The following GALNTL6 variants were observed in gnomAD, a reference collection of about 807,000 sequenced individuals.
The protein encoded by GALNTL6 is polypeptide N-acetylgalactosaminyltransferase-like 6.
Under a neutral mutation model 73.7 loss-of-function variants are expected in GALNTL6, and 46 were observed. That is an observed-to-expected ratio of 0.62 (90% CI 0.49 to 0.80). GALNTL6 has a LOEUF of 0.80. Ranked by LOEUF, GALNTL6 falls within the 30% of genes least tolerant of loss-of-function variation. The pLI is 0.00. For synonymous variants in GALNTL6, 259 were observed against 263.7 expected, an observed-to-expected ratio of 0.98 and a Z score of 0.17; for missense variants, 604 against 755.0, an observed-to-expected ratio of 0.80 and a Z score of 2.34.
At chr4:172,912,428 C>T (rs1052945191) in intron 8 of GALNTL6, among the ~76,000 whole-genome samples, 2 of 152,216 alleles carry the variant, frequency 1.3e-5, no homozygotes, top group Non-Finnish European at 2.9e-5. Flanking sequence ...ATCACCTCAC[C>T]TGGGAAGTGC....
At chr4:171,993,795 T>C (rs943381771) in intron 2 of GALNTL6, among the ~76,000 whole-genome samples, 1 of 151,642 alleles carries the variant, frequency 6.6e-6, no homozygotes, top group African/African-American at 2.4e-5. Flanking sequence ...AGACATTATA[T>C]ATATATACAT....
chr4:172,928,310 GT>G (rs1419236777), intron 8 of GALNTL6, among the ~76,000 whole-genome samples: 1 of 152,202 alleles, frequency 6.6e-6, no homozygotes, highest in African/African-American at 2.4e-5. Flanking sequence ...AGTTCTGGAA[GT>G]GGCCAGTTAT....
chr4:172,856,441 CT>C (rs1744125409), intron 7 of GALNTL6, among the ~76,000 whole-genome samples: 1 of 152,128 alleles, frequency 6.6e-6, no homozygotes. Flanking sequence ...AGCCTTTTCA[CT>C]TTTTTTGCCT....
intron 5 of GALNTL6, among the ~76,000 whole-genome samples, chr4:172,661,372 T>C (rs557640677): frequency 1.3e-5 from 2 of 152,326 alleles, no homozygotes; most frequent in South Asian, 4.1e-4. Context: ...TATCATTGCA[T>C]GAGCCAATTC....
intron 3 of GALNTL6, among the ~76,000 whole-genome samples, chr4:172,236,951 A>G (rs1737264849): frequency 6.6e-6 from 1 of 152,174 alleles, no homozygotes; most frequent in South Asian, 2.1e-4. Context: ...CTCACTTATA[A>G]TAAGAACATG....
At chr4:172,423,786 T>C (rs1731133840) in intron 5 of GALNTL6, among the ~76,000 whole-genome samples, 1 of 152,132 alleles carries the variant, frequency 6.6e-6, no homozygotes, top group Non-Finnish European at 1.5e-5. Context: ...TAGTACATAG[T>C]AACCACTCAA....
At chr4:172,951,913 C>A in intron 9 of GALNTL6, 124 bp from the exon 10 acceptor site, 2 of 687,372 alleles carry the variant, frequency 2.9e-6, no homozygotes, top group Non-Finnish European at 5.0e-6. Context: ...TCATAAACCA[C>A]CAACCAGGGC....
chr4:172,569,165 T>C (rs1736672324), intron 5 of GALNTL6, among the ~76,000 whole-genome samples: 1 of 152,188 alleles, frequency 6.6e-6, no homozygotes, highest in South Asian at 2.1e-4. Context: ...AGAAATTTGT[T>C]TCTCATAGTT....
intron 9 of GALNTL6, among the ~76,000 whole-genome samples, chr4:172,945,109 G>C (rs900715520): frequency 6.6e-6 from 1 of 150,448 alleles, no homozygotes; most frequent in Non-Finnish European, 1.5e-5. Flanking sequence ...AATACATGCA[G>C]CTGCAGCTAC....
chr4:172,722,589 A>G (rs761235128), intron 5 of GALNTL6, among the ~76,000 whole-genome samples: 10 of 152,236 alleles, frequency 6.6e-5, no homozygotes, highest in Admixed American at 1.3e-4. Flanking sequence ...ATACACAGTA[A>G]AATGCAAATG....
intron 2 of GALNTL6, among the ~76,000 whole-genome samples, chr4:171,998,572 T>A (rs970619505): frequency 6.6e-6 from 1 of 152,090 alleles, no homozygotes; most frequent in Non-Finnish European, 1.5e-5. Flanking sequence ...TATATAAACG[T>A]TGGGGGACAC....
intron 3 of GALNTL6, 23 bp downstream of exon 3, chr4:172,229,787 A>C (rs1402672376): frequency 7.0e-7 from 1 of 1,426,902 alleles, no homozygotes; most frequent in South Asian, 1.2e-5. Flanking sequence ...GTGTACGCCA[A>C]AGTGCTATTT....
chr4:172,343,024 G>A lies in GALNTL6; in HGVS notation c.387-5499G>A, dbSNP rs72986321. Among the ~76,000 whole-genome samples the A allele has an allele frequency of 1.5e-3, 222 of 152,254 alleles. 2 individuals carry two copies. The highest frequency in any genetic ancestry group is 5.1e-3 in the African/African-American group (213 of 41,538). ...TGAGCAGAGACCCTCCTTCCAACTAGTGTTGAACAGGTAAAGGAAGCAAAA... is the reference window on the plus strand; with the variant it reads ...TGAGCAGAGACCCTCCTTCCAACTAATGTTGAACAGGTAAAGGAAGCAAAA... On this transcript the variant is annotated intron_variant, in intron 4 of 12. Transcript: ENST00000506823.
intron 5 of GALNTL6, among the ~76,000 whole-genome samples, chr4:172,398,303 A>G (rs1012620655): frequency 1.3e-5 from 2 of 152,218 alleles, no homozygotes; most frequent in African/African-American, 4.8e-5. Flanking sequence ...CCAATGTTAA[A>G]ATGAGCTGTC....
intron 2 of GALNTL6, among the ~76,000 whole-genome samples, chr4:172,120,533 T>G (rs1560931080): frequency 6.6e-6 from 1 of 152,156 alleles, no homozygotes; most frequent in Non-Finnish European, 1.5e-5. Context: ...TATCCTTGAC[T>G]TGACCACATC....
chr4:172,873,807 G>A (rs138702078), intron 7 of GALNTL6, among the ~76,000 whole-genome samples: 47 of 152,164 alleles, frequency 3.1e-4, no homozygotes, highest in African/African-American at 1.1e-3. Context: ...GGGTGTAAAC[G>A]TACAGTATAA....
chr4:172,762,328 C>T (rs1385386823), intron 5 of GALNTL6, among the ~76,000 whole-genome samples: 1 of 152,070 alleles, frequency 6.6e-6, no homozygotes, highest in Non-Finnish European at 1.5e-5. Context: ...AATGTTCTTC[C>T]ATTAATGAAA....
chr4:172,565,224 G>A (rs879827301), intron 5 of GALNTL6, among the ~76,000 whole-genome samples: 2 of 152,140 alleles, frequency 1.3e-5, no homozygotes, highest in Non-Finnish European at 2.9e-5. Flanking sequence ...TGGGTATTAG[G>A]TTTTAACGTA....
chr4:172,237,756 A>AT (rs984057314), intron 3 of GALNTL6, among the ~76,000 whole-genome samples: 25 of 152,164 alleles, frequency 1.6e-4, no homozygotes, highest in Non-Finnish European at 3.2e-4. Context: ...TCTTGAGCTG[A>AT]TTTTTTTATA....
Sources: allele counts gnomAD v4.1 joint callset (sites outside exome capture counted in the v4.1 genomes callset), GRCh38; gene constraint gnomAD v4.1.1; transcripts MANE v1.5; gene names NCBI Gene and HGNC (gene_info 2026-07-23, HGNC 2026-07-21).